Variants in OR6C74 observed in about 807,000 individuals in gnomAD.
The protein encoded by OR6C74 is olfactory receptor 6C74.
For synonymous variants in OR6C74, 142 were observed against 134.2 expected, an observed-to-expected ratio of 1.06 and a Z score of -0.40; for missense variants, 361 against 362.9, an observed-to-expected ratio of 0.99 and a Z score of 0.04.
Position 55,247,386 on chromosome 12 carries a change from C to G in OR6C74, c.99C>G (p.Tyr33Ter), listed in dbSNP as rs777249704. 5 of 1,610,676 alleles carry G rather than the reference C, an allele frequency of 3.1e-6. No homozygotes were observed. Among genetic ancestry groups the G allele is most frequent in the Non-Finnish European group, 3.4e-6 (4 of 1,176,932 alleles). Residue 33 changes from tyrosine (Y) to a stop codon, truncating the protein, a stop_gained, in exon 2 of 2, where the codon TAC becomes TAG. Coordinates refer to ENST00000343399, the MANE Select transcript of OR6C74 (RefSeq NM_001005490.2). LOFTEE classifies it low-confidence loss of function (END_TRUNC). ...VIIFLLLFFTYMLSITGNLTI... is the reference protein window; with the variant it reads ...VIIFLLLFFT ...TTTTTCTTCTCCTTTTTTTCACCTA[C>G]ATGTTGAGCATCACTGGGAATCTAA... is the stretch of plus-strand genomic sequence containing the variant.
At position 55,253,751 on chromosome 12, in the gene OR6C74, C is replaced by A. The variant is rs963039006; in HGVS notation, c.*5525C>A. ...ATTTTCTTGGGAAAGGACCACATATCTATTGAAGGACACTAGCGGAAGATT... is the reference window on the plus strand; with the variant it reads ...ATTTTCTTGGGAAAGGACCACATATATATTGAAGGACACTAGCGGAAGATT... On this transcript the variant is annotated 3_prime_UTR_variant, in exon 2 of 2. Transcript: ENST00000343399. Among the ~76,000 whole-genome samples the A allele has an allele frequency of 1.3e-5, 2 of 152,080 alleles. No individual in the cohort carries two copies. Among genetic ancestry groups the A allele is most frequent in the African/African-American group, 4.8e-5 (2 of 41,434 alleles).
chr12:55,248,792 C>T lies in OR6C74; in HGVS notation c.*566C>T, dbSNP rs577876789. On this transcript the variant is annotated 3_prime_UTR_variant, in exon 2 of 2. Coordinates refer to ENST00000343399, the MANE Select transcript of OR6C74 (RefSeq NM_001005490.2). ...TCTCAGAAATAAATGAAAGAAACTT[C>T]AGAGAGGTTAAAGCATTACTGCTAT... 4.6e-5 allele frequency among the ~76,000 whole-genome samples: 7 copies of T among 152,212 alleles called. No individual in the cohort carries two copies. The highest frequency in any genetic ancestry group is 1.7e-4 in the African/African-American group (7 of 41,534).
In OR6C74 at chr12:55,249,559, T is replaced by C. The variant is rs556827607; in HGVS notation, c.*1333T>C. Among the ~76,000 whole-genome samples the C allele has an allele frequency of 5.3e-5, 8 of 152,194 alleles. No homozygotes were observed. The highest frequency in any genetic ancestry group is 4.6e-4 in the Admixed American group (7 of 15,300). ...TAGTGAGAAGCTTTAAATATATATA[T>C]ATCTAAATAAATATTAACAGGGCAC... On this transcript the variant is annotated 3_prime_UTR_variant, in exon 2 of 2. Coordinates refer to ENST00000343399, the MANE Select transcript of OR6C74 (RefSeq NM_001005490.2).
At position 55,250,730 on chromosome 12, in the gene OR6C74, A is replaced by G. The variant is rs1189791676; in HGVS notation, c.*2504A>G. Reference sequence around the variant, plus strand: ...TTCTGGAAGTGAAAAGGAAAAAAATAACCAACTGTTTTTCACCAGTATTAG... The same window carrying G: ...TTCTGGAAGTGAAAAGGAAAAAAATGACCAACTGTTTTTCACCAGTATTAG... On this transcript the variant is annotated 3_prime_UTR_variant, in exon 2 of 2. Transcript: ENST00000343399. Among the ~76,000 whole-genome samples the G allele has an allele frequency of 4.6e-5, 7 of 152,126 alleles. No homozygotes were observed. The highest frequency in any genetic ancestry group is 1.0e-4 in the Non-Finnish European group (7 of 67,994).
Position 55,248,641 on chromosome 12 carries a change from A to C in OR6C74, c.*415A>C, listed in dbSNP as rs1592244881. ...CGCGTGCATTATTGGTGGATACAAAAGTGAAATCTGCTTTCTTTCTTAGTG... is the reference window on the plus strand; with the variant it reads ...CGCGTGCATTATTGGTGGATACAAACGTGAAATCTGCTTTCTTTCTTAGTG... On this transcript the variant is annotated 3_prime_UTR_variant, in exon 2 of 2. Coordinates refer to ENST00000343399, the MANE Select transcript of OR6C74 (RefSeq NM_001005490.2). Among the ~76,000 whole-genome samples the C allele has an allele frequency of 1.3e-5, 2 of 152,318 alleles. No individual in the cohort carries two copies. The highest frequency in any genetic ancestry group is 4.8e-5 in the African/African-American group (2 of 41,572).
At position 55,253,489 on chromosome 12, in the gene OR6C74, G is replaced by C. The variant is rs919075371; in HGVS notation, c.*5263G>C. ...GGGAGACCATATGGTTTTCCACTTGGCCCTGAATATATGTGTTTTAACTGT... is the reference window on the plus strand; with the variant it reads ...GGGAGACCATATGGTTTTCCACTTGCCCCTGAATATATGTGTTTTAACTGT... On this transcript the variant is annotated 3_prime_UTR_variant, in exon 2 of 2. Transcript: ENST00000343399. Among the ~76,000 whole-genome samples the C allele has an allele frequency of 6.6e-6, 1 of 152,006 alleles. No individual in the cohort carries two copies. The highest frequency in any genetic ancestry group is 2.4e-5 in the African/African-American group (1 of 41,402).
In OR6C74 at chr12:55,251,629, GA is replaced by G. The variant is rs1010010754; in HGVS notation, c.*3412del. 1.8e-4 allele frequency among the ~76,000 whole-genome samples: 27 copies of G among 147,108 alleles called. No individual in the cohort carries two copies. Among genetic ancestry groups the G allele is most frequent in the Admixed American group, 7.4e-4 (11 of 14,910 alleles). On this transcript the variant is annotated 3_prime_UTR_variant, in exon 2 of 2. Transcript: ENST00000343399. ...GATTGGACTTGATGACAGGCAATATGAAAAAAAAATTAGGTGTTAGAAAACT... is the reference window on the plus strand; with the variant it reads ...GATTGGACTTGATGACAGGCAATATGAAAAAAAATTAGGTGTTAGAAAACT...
Position 55,247,660 on chromosome 12 carries a change from T to C in OR6C74, c.373T>C (p.Cys125Arg), listed in dbSNP as rs1351131833. The C allele has an allele frequency of 1.2e-6, 2 of 1,614,014 alleles. No individual in the cohort carries two copies. The highest frequency in any genetic ancestry group is 2.2e-5 in the South Asian group (2 of 91,060). ...GTCCTATGAGCGCTATGTGGCCATC[T>C]GCAAACCCCTGCATTACACCACCAT... The part of the protein sequence containing the change: ...AMSYERYVAI[C>R]KPLHYTTIMS... Residue 125 changes from cysteine to arginine, a missense_variant, in exon 2 of 2, where the codon TGC becomes CGC. Transcript: ENST00000343399.
Position 55,247,322 on chromosome 12 carries a change from T to A in OR6C74, c.35T>A (p.Leu12His). 2 of 1,610,844 alleles carry A rather than the reference T, an allele frequency of 1.2e-6. No individual in the cohort carries two copies. Among genetic ancestry groups the A allele is most frequent in the African/African-American group, 1.3e-5 (1 of 74,960 alleles). The part of the protein sequence containing the change: ...RNHTTVANFI[L>H]LGLTDDPQLQ... ...CATACAACAGTAGCAAACTTTATTC[T>A]TCTTGGACTGACAGATGATCCACAA... The change falls in exon 2 of 2, where the codon CTT becomes CAT. Residue 12 changes from leucine (L) to histidine (H), a missense_variant. Coordinates refer to ENST00000343399, the MANE Select transcript of OR6C74 (RefSeq NM_001005490.2).
At position 55,249,888 on chromosome 12, in the gene OR6C74, A is replaced by G. The variant is rs566961813; in HGVS notation, c.*1662A>G. 6.6e-6 allele frequency among the ~76,000 whole-genome samples: 1 copy of G among 152,106 alleles called. No homozygotes were observed. The highest frequency in any genetic ancestry group is 2.1e-4 in the South Asian group (1 of 4,818). On this transcript the variant is annotated 3_prime_UTR_variant, in exon 2 of 2. Transcript: ENST00000343399. ...GTCATTTACATTAGGTATATCTCCT[A>G]ATGCTATCCCTCCCCTCTCCCCCCA...
intron 1 of OR6C74, among the ~76,000 whole-genome samples, chr12:55,245,201 TTAAG>T (rs1435325818): frequency 3.3e-5 from 5 of 152,082 alleles, no homozygotes; most frequent in Non-Finnish European, 7.4e-5. Flanking sequence ...ACTGAAAAAA[TTAAG>T]TGTGTTATAA....
At position 55,250,655 on chromosome 12, in the gene OR6C74, T is replaced by C. The variant is rs1482323034; in HGVS notation, c.*2429T>C. 6.6e-6 allele frequency among the ~76,000 whole-genome samples: 1 copy of C among 152,126 alleles called. No homozygotes were observed. Among genetic ancestry groups the C allele is most frequent in the Non-Finnish European group, 1.5e-5 (1 of 67,994 alleles). The stretch of plus-strand genomic sequence containing the variant: ...TAAATTGTGCTAGGATTCTAAAAAA[T>C]ATTAAAATCTCATTTGTTCACCTGT... On this transcript the variant is annotated 3_prime_UTR_variant, in exon 2 of 2. Transcript: ENST00000343399.
chr12:55,246,014 T>TC, intron 1 of OR6C74, among the ~76,000 whole-genome samples: 1 of 151,838 alleles, frequency 6.6e-6, no homozygotes, highest in Non-Finnish European at 1.5e-5. Flanking sequence ...TGTGTTTCAC[T>TC]CCAGAGCTGG....
Position 55,255,190 on chromosome 12 carries a change from G to A in OR6C74, c.*6964G>A, listed in dbSNP as rs114455399. The stretch of plus-strand genomic sequence containing the variant: ...AATAGTGGGGGTTCCCTAAGTTCAG[G>A]ATTTCACAGTTGTGTTACAGACTGA... On this transcript the variant is annotated 3_prime_UTR_variant, in exon 2 of 2. Coordinates refer to ENST00000343399, the MANE Select transcript of OR6C74 (RefSeq NM_001005490.2). 5.6e-3 allele frequency among the ~76,000 whole-genome samples: 849 copies of A among 152,164 alleles called. 10 individuals are homozygous for A. Among genetic ancestry groups the A allele is most frequent in the African/African-American group, 0.019 (791 of 41,544 alleles).
chr12:55,251,976 C>A lies in OR6C74; in HGVS notation c.*3750C>A, dbSNP rs1236566593. Among the ~76,000 whole-genome samples, 2 of 151,334 alleles carry A rather than the reference C, an allele frequency of 1.3e-5. No individual in the cohort carries two copies. The highest frequency in any genetic ancestry group is 4.8e-5 in the African/African-American group (2 of 41,324). ...TTTTCTTTTTATAAGTGTAAGTGTG[C>A]AACTGGTGTTTATCAAACATTCAAT... On this transcript the variant is annotated 3_prime_UTR_variant, in exon 2 of 2. Coordinates refer to ENST00000343399, the MANE Select transcript of OR6C74 (RefSeq NM_001005490.2).
Position 55,249,910 on chromosome 12 carries a change from C to G in OR6C74, c.*1684C>G. ...CCTAATGCTATCCCTCCCCTCTCCC[C>G]CCACCTCACAGCAGGCCCCGGTGTG... is the stretch of plus-strand genomic sequence containing the variant. On this transcript the variant is annotated 3_prime_UTR_variant, in exon 2 of 2. Transcript: ENST00000343399. Among the ~76,000 whole-genome samples the G allele has an allele frequency of 6.6e-6, 1 of 152,088 alleles. No homozygotes were observed. The highest frequency in any genetic ancestry group is 2.1e-4 in the South Asian group (1 of 4,828).
In OR6C74 at chr12:55,255,821, A is replaced by G. The variant is rs138534279; in HGVS notation, c.*7595A>G. Among the ~76,000 whole-genome samples the G allele has an allele frequency of 1.6e-3, 241 of 152,250 alleles. 6 individuals are homozygous for G. The East Asian group carries it at 0.037, about 23-fold the overall frequency. ...GACTTAAAAGGCTATAAATTATTTA[A>G]TTTCATTTATATAATATTCTGGTAG... is the stretch of plus-strand genomic sequence containing the variant. On this transcript the variant is annotated 3_prime_UTR_variant, in exon 2 of 2. Coordinates refer to ENST00000343399, the MANE Select transcript of OR6C74 (RefSeq NM_001005490.2).
chr12:55,251,625 A>G lies in OR6C74; in HGVS notation c.*3399A>G, dbSNP rs190735657. Among the ~76,000 whole-genome samples the G allele has an allele frequency of 1.0e-3, 159 of 151,872 alleles. No individual in the cohort carries two copies. The highest frequency in any genetic ancestry group is 3.1e-3 in the African/African-American group (128 of 41,400). ...AATAGATTGGACTTGATGACAGGCA[A>G]TATGAAAAAAAAATTAGGTGTTAGA... On this transcript the variant is annotated 3_prime_UTR_variant, in exon 2 of 2. Coordinates refer to ENST00000343399, the MANE Select transcript of OR6C74 (RefSeq NM_001005490.2).
chr12:55,245,028 T>A (rs900490920), intron 1 of OR6C74, among the ~76,000 whole-genome samples: 2 of 152,180 alleles, frequency 1.3e-5, no homozygotes, highest in South Asian at 2.1e-4. Context: ...TGGAAAAAAT[T>A]ATGTCTTTAT....
Sources: gnomAD v4.1 joint callset for allele counts (sites outside exome capture counted in the v4.1 genomes callset) on GRCh38, gnomAD v4.1.1 for gene constraint, MANE v1.5 for transcripts, NCBI Gene and HGNC (gene_info 2026-07-23, HGNC 2026-07-21) for gene names.